The following SLC35F1 variants were observed in gnomAD, a reference collection of about 807,000 sequenced individuals.
The protein encoded by SLC35F1 is solute carrier family 35 member F1, also known as chromosome 6 open reading frame 169.
Under a neutral mutation model 48.7 loss-of-function variants are expected in SLC35F1, and 14 were observed. The ratio of observed to expected loss-of-function variants is 0.29; its 90% CI spans 0.19 to 0.45. SLC35F1 has a LOEUF of 0.45. Among genes scored for constraint, SLC35F1 ranks in the 20% least tolerant of loss-of-function variants. The probability of loss-of-function intolerance (pLI) is 1.00; values close to 1 mark genes in which losing one functional copy is unlikely to be tolerated. For synonymous variants in SLC35F1, 190 were observed against 202.2 expected, an observed-to-expected ratio of 0.94 and a Z score of 0.51; for missense variants, 404 against 500.0, an observed-to-expected ratio of 0.81 and a Z score of 1.83.
intron 2 of SLC35F1, among the ~76,000 whole-genome samples, chr6:118,180,217 T>C (rs1012149411): frequency 7.2e-5 from 11 of 152,284 alleles, no homozygotes; most frequent in African/African-American, 2.4e-4. Context: ...GTAGTTTCCC[T>C]AGGTGTTTGG....
At chr6:118,045,079 T>G (rs1337129430) in intron 1 of SLC35F1, among the ~76,000 whole-genome samples, 1 of 152,218 alleles carries the variant, frequency 6.6e-6, no homozygotes, top group Non-Finnish European at 1.5e-5. Flanking sequence ...TAAAATTATT[T>G]TGATATGCCA....
chr6:118,102,531 T>C (rs1773272975), intron 1 of SLC35F1, among the ~76,000 whole-genome samples: 1 of 152,184 alleles, frequency 6.6e-6, no homozygotes, highest in Non-Finnish European at 1.5e-5. Context: ...AGCAACTAGC[T>C]GTGATTTTAA....
intron 7 of SLC35F1, among the ~76,000 whole-genome samples, chr6:118,302,753 A>G (rs1776269011): frequency 6.6e-6 from 1 of 152,156 alleles, no homozygotes; most frequent in Non-Finnish European, 1.5e-5. Context: ...AGAAACTAGC[A>G]ATGTTATTGA....
intron 1 of SLC35F1, among the ~76,000 whole-genome samples, chr6:118,079,772 T>C (rs1014938774): frequency 1.3e-5 from 2 of 152,198 alleles, no homozygotes; most frequent in African/African-American, 4.8e-5. Context: ...CCCTGTTCTG[T>C]TATTCCCCCT....
At chr6:117,919,458 A>G (rs1328462047) in intron 1 of SLC35F1, among the ~76,000 whole-genome samples, 1 of 152,172 alleles carries the variant, frequency 6.6e-6, no homozygotes, top group Admixed American at 6.5e-5. Context: ...TGGTCCCAAA[A>G]TTAAAAGGAG....
intron 1 of SLC35F1, among the ~76,000 whole-genome samples, chr6:118,024,646 A>G (rs1777440077): frequency 6.6e-6 from 1 of 152,204 alleles, no homozygotes; most frequent in Non-Finnish European, 1.5e-5. Flanking sequence ...AATAGTTTTC[A>G]GCATAAAATT....
chr6:118,264,457 C>T (rs1354113922), intron 3 of SLC35F1, among the ~76,000 whole-genome samples: 1 of 152,200 alleles, frequency 6.6e-6, no homozygotes, highest in Non-Finnish European at 1.5e-5. Flanking sequence ...TCTCTTCTTT[C>T]TAAAAGTTTG....
At chr6:118,243,672 A>C (rs761161339) in intron 3 of SLC35F1, among the ~76,000 whole-genome samples, 2 of 152,202 alleles carry the variant, frequency 1.3e-5, no homozygotes, top group Non-Finnish European at 2.9e-5. Flanking sequence ...AGATGACAGA[A>C]AGTCACTAAG....
intron 1 of SLC35F1, among the ~76,000 whole-genome samples, chr6:118,115,922 G>T (rs1241509701): frequency 6.6e-6 from 1 of 152,126 alleles, no homozygotes; most frequent in Non-Finnish European, 1.5e-5. Flanking sequence ...TGCCTGAAAA[G>T]AAAACATAAA....
At chr6:118,229,630 G>A (rs1775262967) in intron 2 of SLC35F1, among the ~76,000 whole-genome samples, 1 of 152,166 alleles carries the variant, frequency 6.6e-6, no homozygotes, top group African/African-American at 2.4e-5. Flanking sequence ...TCAAATACTG[G>A]TTTATGTATG....
intron 2 of SLC35F1, among the ~76,000 whole-genome samples, chr6:118,186,619 A>G (rs1774660609): frequency 6.6e-6 from 1 of 152,210 alleles, no homozygotes; most frequent in Admixed American, 6.5e-5. Context: ...TTCAAATAAC[A>G]AATACATAGT....
intron 2 of SLC35F1, among the ~76,000 whole-genome samples, chr6:118,199,460 A>G (rs1774844664): frequency 6.6e-6 from 1 of 152,222 alleles, no homozygotes; most frequent in Admixed American, 6.5e-5. Context: ...ACGTGTCATG[A>G]TTAATTAAAC....
chr6:118,225,093 G>A (rs2184365), intron 2 of SLC35F1, among the ~76,000 whole-genome samples: 142,031 of 152,246 alleles, frequency 0.93, 66,309 homozygotes, highest in East Asian at 0.98. Flanking sequence ...TAAAATGACA[G>A]TATCACCCAA....
chr6:118,153,415 G>A (rs918458813), intron 1 of SLC35F1, among the ~76,000 whole-genome samples: 1 of 152,136 alleles, frequency 6.6e-6, no homozygotes, highest in Non-Finnish European at 1.5e-5. Flanking sequence ...GCATAAATAT[G>A]TACCATTATT....
chr6:118,060,916 G>T (rs377507663), intron 1 of SLC35F1, among the ~76,000 whole-genome samples: 1 of 152,194 alleles, frequency 6.6e-6, no homozygotes, highest in Non-Finnish European at 1.5e-5. Flanking sequence ...ACACAGTGTG[G>T]TCCTAAAGCC....
chr6:118,132,012 T>C, intron 1 of SLC35F1, among the ~76,000 whole-genome samples: 1 of 152,150 alleles, frequency 6.6e-6, no homozygotes, highest in East Asian at 1.9e-4. Context: ...CCATTCTTTT[T>C]ACTACTATTT....
intron 2 of SLC35F1, among the ~76,000 whole-genome samples, chr6:118,195,124 C>A (rs567038311): frequency 7.9e-5 from 12 of 152,258 alleles, no homozygotes; most frequent in Non-Finnish European, 1.6e-4. Flanking sequence ...TCCCTTTTAA[C>A]CAAGAAGGAC....
At chr6:117,961,041 A>T (rs987577382) in intron 1 of SLC35F1, among the ~76,000 whole-genome samples, 8 of 152,166 alleles carry the variant, frequency 5.3e-5, no homozygotes, top group Non-Finnish European at 2.9e-5. Flanking sequence ...ATGCAAAAAA[A>T]ATTTAAAAAA....
intron 1 of SLC35F1, among the ~76,000 whole-genome samples, chr6:117,963,989 G>T (rs1776529560): frequency 1.3e-5 from 2 of 152,082 alleles, no homozygotes; most frequent in African/African-American, 4.8e-5. Context: ...CCCCTGACAG[G>T]TTCCAGTGTG....
Sources: gnomAD v4.1 joint callset for allele counts (sites outside exome capture counted in the v4.1 genomes callset) on GRCh38, gnomAD v4.1.1 for gene constraint, MANE v1.5 for transcripts, NCBI Gene and HGNC (gene_info 2026-07-23, HGNC 2026-07-21) for gene names.